SHTN1: variants seen among roughly 807,000 people sequenced by gnomAD.
SHTN1 encodes the protein shootin-1.
SHTN1 carries 42 observed loss-of-function variants against 83.1 expected under a neutral mutation model. The ratio of observed to expected loss-of-function variants is 0.51; its 90% CI spans 0.39 to 0.65. The LOEUF (loss-of-function observed/expected upper bound fraction) is 0.65. SHTN1 is among the 30% of genes least tolerant of loss of function. The pLI, the probability that SHTN1 is intolerant of heterozygous loss-of-function variation, is 0.00. For missense variants in SHTN1, 622 were observed against 737.8 expected, an observed-to-expected ratio of 0.84 and a Z score of 1.82; for synonymous variants, 224 against 247.7, an observed-to-expected ratio of 0.90 and a Z score of 0.90.
At chr10:117,067,878 C>T (rs1478741374) in intron 1 of SHTN1, among the ~76,000 whole-genome samples, 1 of 152,096 alleles carries the variant, frequency 6.6e-6, no homozygotes, top group African/African-American at 2.4e-5. Context: ...ACCTCAGGTT[C>T]CTGGCATGAA....
intron 2 of SHTN1, among the ~76,000 whole-genome samples, chr10:117,016,452 A>G (rs547426991): frequency 5.5e-4 from 83 of 152,268 alleles, no homozygotes; most frequent in African/African-American, 2.0e-3. Flanking sequence ...TGTCACCTAG[A>G]CTGGAGTGCA....
Position 117,038,082 on chromosome 10 carries a change from A to T in SHTN1, c.-123+10363T>A, listed in dbSNP as rs116900678. On this transcript the variant is annotated intron_variant, in intron 2 of 17. Transcript: ENST00000392901. ...TTAAATGTAAAACGTAAAACCATAA[A>T]ACTCCAAGAAGATAACATAGAAGAA... is the stretch of plus-strand genomic sequence containing the variant. Among the ~76,000 whole-genome samples, 43 of 152,094 alleles carry T rather than the reference A, an allele frequency of 2.8e-4. 2 individuals carry two copies. In the East Asian group the frequency reaches 7.9e-3, roughly 28 times the overall value.
At chr10:116,996,642 T>A (rs186329855) in intron 1 of SHTN1, among the ~76,000 whole-genome samples, 152 of 152,304 alleles carry the variant, frequency 1.0e-3, no homozygotes, top group Middle Eastern at 3.4e-3. Context: ...TTTTCCTTTT[T>A]TTTCATAGAA....
intron 1 of SHTN1, among the ~76,000 whole-genome samples, chr10:117,122,340 C>T (rs532275681): frequency 6.6e-6 from 1 of 152,188 alleles, no homozygotes; most frequent in South Asian, 2.1e-4. Context: ...CCACCATACC[C>T]AGCTAACGTT....
At chr10:116,962,534 T>C (rs933988359) in intron 3 of SHTN1, among the ~76,000 whole-genome samples, 1 of 152,220 alleles carries the variant, frequency 6.6e-6, no homozygotes, top group Non-Finnish European at 1.5e-5. Flanking sequence ...GCATTTTTCA[T>C]AGGAATCTTA....
chr10:116,964,065 G>A (rs1326728111), intron 3 of SHTN1, among the ~76,000 whole-genome samples: 2 of 151,180 alleles, frequency 1.3e-5, no homozygotes, highest in African/African-American at 2.4e-5. Flanking sequence ...CTTGCACCTA[G>A]CACAATGCTA....
chr10:117,122,067 T>G (rs1853937683), intron 1 of SHTN1, among the ~76,000 whole-genome samples: 3 of 151,954 alleles, frequency 2.0e-5, no homozygotes, highest in Non-Finnish European at 4.4e-5. Flanking sequence ...AATAAAGAAA[T>G]AAATCATCTC....
chr10:116,966,126 T>C (rs564289780), intron 3 of SHTN1, among the ~76,000 whole-genome samples: 87 of 152,248 alleles, frequency 5.7e-4, no homozygotes, highest in Non-Finnish European at 9.0e-4. Context: ...CCTGCCTCAA[T>C]AGTCCAAAAT....
rs12218706 is a variant in SHTN1 at position 117,059,491 on chromosome 10, A to C, written c.-188-10981T>G. Among the ~76,000 whole-genome samples, 163 of 152,342 alleles carry C rather than the reference A, an allele frequency of 1.1e-3. 1 individual carries two copies. The highest frequency in any genetic ancestry group is 9.4e-3 in the East Asian group (49 of 5,186). ...AACATAGATGTCCTTCAACAAGTGA[A>C]TCGCTAAGTACACTGTGATATATAC... is the stretch of plus-strand genomic sequence containing the variant. On this transcript the variant is annotated intron_variant, in intron 1 of 17. Coordinates refer to the SHTN1 transcript ENST00000392901.
chr10:117,006,148 GT>G (rs1852002734), upstream of SHTN1, among the ~76,000 whole-genome samples: 1 of 152,064 alleles, frequency 6.6e-6, no homozygotes, highest in Admixed American at 6.5e-5. Flanking sequence ...AGGAAGAATA[GT>G]GATACCTACT....
intron 11 of SHTN1, among the ~76,000 whole-genome samples, chr10:116,923,531 A>G (rs1271143248): frequency 6.6e-6 from 1 of 151,826 alleles, no homozygotes; most frequent in Non-Finnish European, 1.5e-5. Flanking sequence ...TGTTCAGAAG[A>G]TATCATCACC....
At position 116,965,265 on chromosome 10, in the gene SHTN1, G is replaced by C. The variant is rs536296042; in HGVS notation, c.172+3387C>G. Among the ~76,000 whole-genome samples the C allele has an allele frequency of 7.2e-4, 110 of 152,064 alleles. 2 individuals carry two copies. The South Asian group carries it at 0.022, about 30-fold the overall frequency. On this transcript the variant is annotated intron_variant, in intron 3 of 16. Transcript: ENST00000355371. ...GGTGTGGTGGCTCACGCCTGTAATC[G>C]CAGCACTTTGAGAGGCTGAGGCAAG...
In SHTN1 at chr10:116,884,266, C is replaced by T. The variant is rs1264567231; in HGVS notation, c.*2078G>A. On this transcript the variant is annotated 3_prime_UTR_variant, in exon 17 of 17. Transcript: ENST00000355371. ...TCCCTTGCTTTGGTTGACAGTGTCA[C>T]CCCAGCCAGGGGCAAAACCCCCTCA... 1 of 459,278 alleles carries T rather than the reference C, an allele frequency of 2.2e-6. No homozygotes were observed. Among genetic ancestry groups the T allele is most frequent in the South Asian group, 1.5e-5 (1 of 64,632 alleles). 28.5% of individuals were successfully genotyped at this position (459,278 alleles called of 1,614,324 possible).
intron 9 of SHTN1, among the ~76,000 whole-genome samples, chr10:116,940,117 A>G (rs1177185795): frequency 2.0e-5 from 3 of 152,196 alleles, no homozygotes; most frequent in African/African-American, 2.4e-5. Context: ...ACAGCCTCTT[A>G]GTGTGTGCAG....
Position 116,951,996 on chromosome 10 carries a change from AT to A in SHTN1, c.446del (p.Asp149ValfsTer13), listed in dbSNP as rs1484179706. 6.6e-7 allele frequency: 1 copy of A among 1,507,068 alleles called. No individual in the cohort carries two copies. The highest frequency in any genetic ancestry group is 1.4e-5 in the African/African-American group (1 of 71,998). The allele number at this position is 1,507,068 out of a possible 1,614,324, so 93.4% of individuals were successfully genotyped here. A position where few individuals can be genotyped will look rare whatever the true frequency, so the allele number is the denominator to read the frequency against. On this transcript the variant is annotated frameshift_variant, in exon 6 of 17. Transcript: ENST00000355371. LOFTEE classifies it high-confidence loss of function. ...QCQKQIKELR[D>X]QIVSVQEEKK... ...TTTCCTCCTGAACAGATACAATTTG[AT>A]CTCGAAGTTCTGCATTTTTAAAGAA...
intron 14 of SHTN1, among the ~76,000 whole-genome samples, chr10:116,908,629 CTG>C (rs1164515794): frequency 2.0e-5 from 3 of 152,294 alleles, no homozygotes; most frequent in East Asian, 1.9e-4. Flanking sequence ...AGCAAGGACA[CTG>C]TGTAGTTTTT....
intron 1 of SHTN1, among the ~76,000 whole-genome samples, chr10:117,118,363 C>CAAAAAA (rs57432703): frequency 5.1e-5 from 6 of 118,426 alleles, no homozygotes; most frequent in African/African-American, 1.3e-4. Flanking sequence ...TAATCCATTT[C>CAAAAAA]AAAAAAAAAA....
intron 3 of SHTN1, among the ~76,000 whole-genome samples, chr10:116,966,530 C>T (rs1850403753): frequency 6.6e-6 from 1 of 152,068 alleles, no homozygotes; most frequent in African/African-American, 2.4e-5. Flanking sequence ...TTGAGTTGCT[C>T]ATAAGGAAAA....
chr10:116,929,233 C>G (rs575945820), intron 10 of SHTN1, among the ~76,000 whole-genome samples: 1 of 152,328 alleles, frequency 6.6e-6, no homozygotes, highest in African/African-American at 2.4e-5. Flanking sequence ...CCAACAGAGA[C>G]TTACACATAT....
Sources: allele counts gnomAD v4.1 joint callset (sites outside exome capture counted in the v4.1 genomes callset), GRCh38; gene constraint gnomAD v4.1.1; transcripts MANE v1.5; gene names NCBI Gene and HGNC (gene_info 2026-07-23, HGNC 2026-07-21).